Variants in DPP6 observed in about 807,000 individuals in gnomAD.
DPP6 encodes the protein A-type potassium channel modulatory protein DPP6.
Under a neutral mutation model 122.6 loss-of-function variants are expected in DPP6, and 69 were observed. The observed-to-expected ratio is 0.56, with a 90% CI of 0.46 to 0.69. The LOEUF is 0.69. Among genes scored for constraint, DPP6 ranks in the 30% least tolerant of loss-of-function variants. DPP6 has a pLI of 0.00. For synonymous variants in DPP6, 418 were observed against 433.1 expected (o/e 0.97, Z 0.43); for missense variants, 928 against 1,116.9 (o/e 0.83, Z 2.41).
At chr7:153,768,966 C>T in the DPP6 span, among the ~76,000 whole-genome samples, 2 of 152,096 alleles carry the variant, frequency 1.3e-5, no homozygotes, top group Non-Finnish European at 2.9e-5. Flanking sequence ...TCAAAATGTC[C>T]ACTTAGCAAT....
At chr7:154,105,968 C>T (rs4067491) in intron 1 of DPP6, among the ~76,000 whole-genome samples, 2,580 of 143,596 alleles carry the variant, frequency 0.018, 118 homozygotes, top group African/African-American at 0.071. Context: ...CACTTTTGGC[C>T]TGTCCCTCAT....
At chr7:154,783,343 C>T (rs1186837312) in intron 10 of DPP6, among the ~76,000 whole-genome samples, 2 of 152,150 alleles carry the variant, frequency 1.3e-5, no homozygotes, top group African/African-American at 2.4e-5. Context: ...CGTCTCTGCC[C>T]GTGCTTCCTT....
chr7:154,479,045 T>TAATA (rs1299127034), intron 3 of DPP6, among the ~76,000 whole-genome samples: 3 of 152,248 alleles, frequency 2.0e-5, no homozygotes, highest in Non-Finnish European at 4.4e-5. Flanking sequence ...AGTCTGGAAC[T>TAATA]AATACGCTTT....
intron 8 of DPP6, among the ~76,000 whole-genome samples, chr7:154,767,733 C>T (rs1411758997): frequency 6.6e-6 from 1 of 152,094 alleles, no homozygotes; most frequent in Non-Finnish European, 1.5e-5. Context: ...TCCAGTGCAC[C>T]AGGGCTCCTG....
intron 7 of DPP6, among the ~76,000 whole-genome samples, chr7:154,680,513 G>C (rs1839211070): frequency 6.6e-6 from 1 of 152,112 alleles, no homozygotes; most frequent in Admixed American, 6.5e-5. Flanking sequence ...TGGGAGCATG[G>C]AGCATATATC....
intron 5 of DPP6, among the ~76,000 whole-genome samples, chr7:154,626,605 G>C (rs1320643734): frequency 6.6e-6 from 1 of 152,198 alleles, no homozygotes; most frequent in Non-Finnish European, 1.5e-5. Flanking sequence ...AGTCGTTTGA[G>C]ATACATATTT....
chr7:154,325,545 T>C (rs1465220057), intron 1 of DPP6, among the ~76,000 whole-genome samples: 1 of 152,170 alleles, frequency 6.6e-6, no homozygotes, highest in African/African-American at 2.4e-5. Context: ...AACCACAAAT[T>C]AGCAAGAGTC....
At position 154,324,400 on chromosome 7, in the gene DPP6, G is replaced by A. The variant is rs534250694; in HGVS notation, c.244-121814G>A. Among the ~76,000 whole-genome samples the A allele has an allele frequency of 5.3e-5, 8 of 152,160 alleles. No homozygotes were observed. In the South Asian group the frequency reaches 1.0e-3, roughly 20 times the overall value. On this transcript the variant is annotated intron_variant, in intron 1 of 25. Transcript: ENST00000377770. The stretch of plus-strand genomic sequence containing the variant: ...TTCCATGCAGATGCAGGCTGATGCC[G>A]GATGGGTCTCCACTGGCCTCTTCTC...
At chr7:154,141,873 C>T (rs935060867) in intron 1 of DPP6, among the ~76,000 whole-genome samples, 1 of 152,180 alleles carries the variant, frequency 6.6e-6, no homozygotes, top group Non-Finnish European at 1.5e-5. Flanking sequence ...TAGTGTATAT[C>T]TGGATTTAAT....
At chr7:154,433,903 G>A (rs1416616417) in intron 1 of DPP6, among the ~76,000 whole-genome samples, 2 of 152,144 alleles carry the variant, frequency 1.3e-5, no homozygotes, top group Non-Finnish European at 2.9e-5. Flanking sequence ...GTTACACAAT[G>A]TCTGAAGTAA....
intron 1 of DPP6, among the ~76,000 whole-genome samples, chr7:154,211,671 C>G (rs1406529615): frequency 1.3e-5 from 2 of 152,194 alleles, no homozygotes; most frequent in Non-Finnish European, 2.9e-5. Context: ...TCTCCACCTC[C>G]ATACACACAA....
chr7:154,276,201 C>T (rs559145991), intron 1 of DPP6, among the ~76,000 whole-genome samples: 6 of 152,114 alleles, frequency 3.9e-5, no homozygotes, highest in Non-Finnish European at 5.9e-5. Context: ...AAACCCCATG[C>T]GTAGTTAATA....
rs1817565641 is a variant in DPP6, at chr7:154,422,677, G to GTGA, written c.244-23537_244-23536insTGA. On this transcript the variant is annotated intron_variant, in intron 1 of 25. Transcript: ENST00000377770. ...GGGTAGGTGGATGGGTGGGTGGATG[G>GTGA]GTGGATGGATGGATGGTGAGTGGGT... 2.7e-5 allele frequency among the ~76,000 whole-genome samples: 4 copies of GTGA among 145,496 alleles called. No homozygotes were observed. In the South Asian group the frequency reaches 6.9e-4, roughly 25 times the overall value.
chr7:154,662,553 C>T (rs1357148433), intron 6 of DPP6, among the ~76,000 whole-genome samples: 384 of 33,012 alleles, frequency 0.012, 33 homozygotes, highest in African/African-American at 0.052. Context: ...CATGGCGTAT[C>T]AGCCGTAGTG....
At chr7:154,016,024 C>T (rs1159981402) in intron 1 of DPP6, among the ~76,000 whole-genome samples, 4 of 152,182 alleles carry the variant, frequency 2.6e-5, no homozygotes, top group Non-Finnish European at 4.4e-5. Context: ...TATCGGCCCA[C>T]GTTCTATTCC....
intron 1 of DPP6, among the ~76,000 whole-genome samples, chr7:154,271,281 T>C (rs1277725126): frequency 1.3e-5 from 2 of 152,224 alleles, no homozygotes; most frequent in South Asian, 2.1e-4. Flanking sequence ...GAGGTGTCTC[T>C]CTCTGGGGTA....
chr7:154,057,487 C>G (rs918012433), intron 1 of DPP6: 1 of 150,132 alleles, frequency 6.7e-6, no homozygotes, highest in African/African-American at 2.6e-5. Flanking sequence ...CTTCCGACGG[C>G]AGGTACCTTG....
chr7:154,782,068 T>TC (rs1797061235), intron 10 of DPP6, among the ~76,000 whole-genome samples: 2 of 152,148 alleles, frequency 1.3e-5, no homozygotes, highest in Non-Finnish European at 2.9e-5. Context: ...TTGCATGTGC[T>TC]CCCCCACGTA....
intron 1 of DPP6, among the ~76,000 whole-genome samples, chr7:153,951,029 T>G (rs1334320306): frequency 6.6e-6 from 1 of 151,808 alleles, no homozygotes; most frequent in African/African-American, 2.4e-5. Flanking sequence ...AGAGAAACCA[T>G]GAGACTTGAG....
Sources: gnomAD v4.1 joint callset for allele counts (sites outside exome capture counted in the v4.1 genomes callset) on GRCh38, gnomAD v4.1.1 for gene constraint, MANE v1.5 for transcripts, NCBI Gene and HGNC (gene_info 2026-07-23, HGNC 2026-07-21) for gene names.